Variants in OSBPL2 observed in about 807,000 individuals in gnomAD.
The protein encoded by OSBPL2 is oxysterol binding protein like 2, also known as oxysterol-binding protein-related protein 2.
Under a neutral mutation model 58.4 loss-of-function variants are expected in OSBPL2, and 18 were observed. The observed-to-expected ratio is 0.31, with a 90% CI of 0.21 to 0.46. The LOEUF (loss-of-function observed/expected upper bound fraction) is 0.46, where lower values mean the gene tolerates loss of function less well. OSBPL2 is among the 20% of genes least tolerant of loss of function. The probability of loss-of-function intolerance (pLI) is 1.00; values close to 1 mark genes in which losing one functional copy is unlikely to be tolerated. For missense variants in OSBPL2, 461 were observed against 616.5 expected (o/e 0.75, Z 2.67); for synonymous variants, 221 against 234.1 (o/e 0.94, Z 0.51).
chr20:62,241,094 T>A (rs1315590528), intron 1 of OSBPL2, among the ~76,000 whole-genome samples: 1 of 152,064 alleles, frequency 6.6e-6, no homozygotes, highest in East Asian at 1.9e-4. Context: ...GCTGTTTGAA[T>A]GTGAAAAAAA....
intron 6 of OSBPL2, among the ~76,000 whole-genome samples, chr20:62,274,395 G>A (rs941643260): frequency 1.3e-5 from 2 of 152,194 alleles, no homozygotes; most frequent in African/African-American, 4.8e-5. Context: ...GGGCCGTTTG[G>A]TGATGTCTAA....
intron 1 of OSBPL2, among the ~76,000 whole-genome samples, chr20:62,251,841 C>G (rs1031469251): frequency 3.9e-5 from 5 of 127,044 alleles, no homozygotes; most frequent in Admixed American, 2.4e-4. Context: ...CATCCTGTTT[C>G]AAGCGTCATT....
intron 12 of OSBPL2, 155 bp from the exon 13 acceptor site, chr20:62,291,548 A>G (rs2145981741): frequency 2.8e-6 from 2 of 722,068 alleles, no homozygotes; most frequent in Non-Finnish European, 4.9e-6. Context: ...GGCCTCGGCA[A>G]CTGTGATTGT....
At chr20:62,249,955 C>T (rs1209846085) in intron 1 of OSBPL2, among the ~76,000 whole-genome samples, 3 of 152,196 alleles carry the variant, frequency 2.0e-5, no homozygotes, top group African/African-American at 4.8e-5. Flanking sequence ...AGGCGCTCCT[C>T]GACCCCATGG....
chr20:62,244,454 G>A (rs1979956298), intron 1 of OSBPL2, among the ~76,000 whole-genome samples: 4 of 152,348 alleles, frequency 2.6e-5, no homozygotes, highest in Admixed American at 2.0e-4. Context: ...AGAGCAGGGC[G>A]CCCGTGAGCT....
At chr20:62,291,860 G>A (rs971837332) in intron 13 of OSBPL2, 67 bp downstream of exon 13, 1 of 1,478,638 alleles carries the variant, frequency 6.8e-7, no homozygotes, top group African/African-American at 1.4e-5. Context: ...GGGGACGGCG[G>A]GGAGGCCCCA....
chr20:62,291,318 T>C (rs1459844967), intron 12 of OSBPL2: 1 of 331,766 alleles, frequency 3.0e-6, no homozygotes, highest in Admixed American at 4.3e-5. Flanking sequence ...GAGCTCGTCT[T>C]TGGGAGATGG....
At chr20:62,255,915 G>T in intron 1 of OSBPL2, 142 bp from the exon 2 acceptor site, 3 of 407,014 alleles carry the variant, frequency 7.4e-6, no homozygotes, top group Non-Finnish European at 4.4e-6. Context: ...TTGAAATTAT[G>T]TTTGTGATGT....
chr20:62,282,445 GT>G (rs1229175930), intron 9 of OSBPL2, among the ~76,000 whole-genome samples: 1 of 152,014 alleles, frequency 6.6e-6, no homozygotes, highest in Admixed American at 6.5e-5. Flanking sequence ...TCTCACATTT[GT>G]TTTTTTCGTA....
At chr20:62,286,474 C>T (rs1983128881) in intron 10 of OSBPL2, 109 bp from the exon 11 acceptor site, 2 of 1,239,736 alleles carry the variant, frequency 1.6e-6, no homozygotes, top group East Asian at 2.4e-5. Context: ...GAGAAGGCTG[C>T]CTGGCTCTGC....
chr20:62,272,045 A>T, intron 4 of OSBPL2, 80 bp from the exon 5 acceptor site: 2 of 1,537,862 alleles, frequency 1.3e-6, no homozygotes, highest in Non-Finnish European at 1.8e-6. Context: ...CCATGAAGGG[A>T]TGCTCAGAGC....
Position 62,281,140 on chromosome 20 carries a change from G to A in OSBPL2, c.757G>A (p.Gly253Arg). 1 of 1,612,768 alleles carries A rather than the reference G, an allele frequency of 6.2e-7. No individual in the cohort carries two copies. The highest frequency in any genetic ancestry group is 8.5e-7 in the Non-Finnish European group (1 of 1,178,848). Reference sequence around the variant, plus strand: ...CGGGAAGCTGTGGATAGAGCAGTATGGGACAGTGGAGATTTTAAACCACAG... The same window carrying A: ...CGGGAAGCTGTGGATAGAGCAGTATAGGACAGTGGAGATTTTAAACCACAG... Reference protein sequence around the residue: ...IIGKLWIEQYGTVEILNHRTG... With the variant: ...IIGKLWIEQYRTVEILNHRTG... Residue 253 changes from glycine to arginine, a missense_variant, in exon 8 of 14, where the codon GGG becomes AGG. Coordinates refer to ENST00000313733, the MANE Select transcript of OSBPL2 (RefSeq NM_144498.4).
chr20:62,263,583 T>A, intron 3 of OSBPL2, 33 bp from the exon 4 acceptor site: 1 of 1,576,228 alleles, frequency 6.3e-7, no homozygotes, highest in Non-Finnish European at 8.7e-7. Context: ...CTGTGTTGAA[T>A]TCACCCACAC....
At chr20:62,275,421 C>T (rs1253571156) in intron 6 of OSBPL2, among the ~76,000 whole-genome samples, 5 of 149,722 alleles carry the variant, frequency 3.3e-5, no homozygotes, top group Admixed American at 6.7e-5. Context: ...TTTTTTGAGA[C>T]GAGGTCTCAC....
At chr20:62,243,512 A>G (rs1191250064) in intron 1 of OSBPL2, among the ~76,000 whole-genome samples, 1 of 152,158 alleles carries the variant, frequency 6.6e-6, no homozygotes, top group African/African-American at 2.4e-5. Context: ...CTGTCAGGGT[A>G]GAAGGCTCCT....
chr20:62,267,936 G>A (rs1365980499), intron 4 of OSBPL2, among the ~76,000 whole-genome samples: 2 of 152,098 alleles, frequency 1.3e-5, no homozygotes, highest in African/African-American at 4.8e-5. Context: ...AGGCTAGAGT[G>A]CAGTGGCGCG....
intron 3 of OSBPL2, among the ~76,000 whole-genome samples, chr20:62,262,925 G>T (rs915480431): frequency 6.6e-6 from 1 of 152,178 alleles, no homozygotes; most frequent in Non-Finnish European, 1.5e-5. Context: ...GTGGTGTCCT[G>T]TGTGGGTCTG....
chr20:62,294,992 GC>G lies in OSBPL2; in HGVS notation c.*1108del, dbSNP rs1439135132. 1 of 109,958 alleles carries G rather than the reference GC, an allele frequency of 9.1e-6. No individual in the cohort carries two copies. Among genetic ancestry groups the G allele is most frequent in the East Asian group, 2.5e-4 (1 of 4,038 alleles). The allele number at this position is 109,958 out of a possible 1,614,324, so 6.8% of individuals were successfully genotyped here. On this transcript the variant is annotated 3_prime_UTR_variant, in exon 14 of 14. Transcript: ENST00000313733. The stretch of plus-strand genomic sequence containing the variant: ...TTTGAGACGGAGTTTCACTCTTGTT[GC>G]CCAGGCTGGAGTGCAATGGCATGAT...
chr20:62,268,748 C>T (rs1462219604), intron 4 of OSBPL2, among the ~76,000 whole-genome samples: 2 of 152,076 alleles, frequency 1.3e-5, no homozygotes, highest in Non-Finnish European at 2.9e-5. Context: ...TACAGGAACC[C>T]ACCACCATGC....
Sources: gnomAD v4.1 joint callset for allele counts (sites outside exome capture counted in the v4.1 genomes callset) on GRCh38, gnomAD v4.1.1 for gene constraint, MANE v1.5 for transcripts, NCBI Gene and HGNC (gene_info 2026-07-23, HGNC 2026-07-21) for gene names.